The following EPHA1 variants were observed in gnomAD, a reference collection of about 807,000 sequenced individuals.
EPHA1 encodes the protein ephrin type-A receptor 1.
Under a neutral mutation model 110.1 loss-of-function variants are expected in EPHA1, and 92 were observed. The observed-to-expected ratio is 0.84, with a 90% CI of 0.71 to 0.99. EPHA1 has a LOEUF of 0.99. Among genes scored for constraint, EPHA1 ranks in the 50% least tolerant of loss-of-function variants. EPHA1 has a pLI of 0.00. For missense variants in EPHA1, 1,204 were observed against 1,285.4 expected (o/e 0.94, Z 0.97); for synonymous variants, 500 against 516.1 (o/e 0.97, Z 0.42).
In EPHA1 at chr7:143,393,682, G is replaced by A; in HGVS notation, c.2685C>T (p.Asn895=). The A allele has an allele frequency of 6.2e-7, 1 of 1,613,664 alleles. No individual in the cohort carries two copies. The highest frequency in any genetic ancestry group is 1.1e-5 in the South Asian group (1 of 91,044). Residue 895 remains asparagine (N), a synonymous_variant, in exon 16 of 18, where the codon AAC becomes AAT. Coordinates refer to ENST00000275815, the MANE Select transcript of EPHA1 (RefSeq NM_005232.5). The surrounding 1 kb of genome is among the most constrained non-coding windows in gnomAD (Gnocchi z 5.6). ...ANPHSLRTIA[N]FDPRMTLRLP... ...CCCTGCATGGTTACCTGGGGTCAAA[G>A]TTGGCAATGGTCCGCAGGGAGTGGG...
At chr7:143,396,291 C>A in intron 11 of EPHA1, 94 bp downstream of exon 11, 2 of 1,488,366 alleles carry the variant, frequency 1.3e-6, no homozygotes, top group Middle Eastern at 2.5e-4. Context: ...GCCAGCTGGG[C>A]TGCCCAGGGA....
intron 15 of EPHA1, 29 bp downstream of exon 15, chr7:143,394,165 C>A (rs771141143): frequency 1.3e-6 from 2 of 1,592,074 alleles, no homozygotes; most frequent in South Asian, 2.2e-5. Context: ...GAATTGGAGA[C>A]AAGATGAGGA....
In EPHA1 at chr7:143,398,017, C is replaced by A. The variant is rs760132533; in HGVS notation, c.1518G>T (p.Leu506=). The change falls in exon 8 of 18, where the codon CTG becomes CTT. Residue 506 remains leucine, a synonymous_variant. Coordinates refer to ENST00000275815, the MANE Select transcript of EPHA1 (RefSeq NM_005232.5). ...VLEPRVLLTE[L]QPDTTYIVRV... Reference sequence around the variant, plus strand: ...TGACGATGTATGTGGTGTCAGGCTGCAGCTCTGTCAGCAAGACCCTGGGTT... The same window carrying A: ...TGACGATGTATGTGGTGTCAGGCTGAAGCTCTGTCAGCAAGACCCTGGGTT... 10 of 1,614,130 alleles carry A rather than the reference C, an allele frequency of 6.2e-6. No homozygotes were observed. In the East Asian group the frequency reaches 2.2e-4, roughly 36 times the overall value.
Position 143,398,740 on chromosome 7 carries a change from G to C in EPHA1, c.1197C>G (p.Leu399=). 1 of 1,614,044 alleles carries C rather than the reference G, an allele frequency of 6.2e-7. No individual in the cohort carries two copies. The highest frequency in any genetic ancestry group is 8.5e-7 in the Non-Finnish European group (1 of 1,179,980). ...GVHFSPGARG[L]TTPAVHVNGL... Reference sequence around the variant, plus strand: ...CATTGACATGCACTGCAGGTGTGGTGAGCCCCCGGGCCCCCGGCGAGAAGT... The same window carrying C: ...CATTGACATGCACTGCAGGTGTGGTCAGCCCCCGGGCCCCCGGCGAGAAGT... The change falls in exon 6 of 18, where the codon CTC becomes CTG. Residue 399 remains leucine, a synonymous_variant. Transcript: ENST00000275815.
At chr7:143,394,158 T>C (rs1805171988) in intron 15 of EPHA1, 36 bp downstream of exon 15, 2 of 1,587,412 alleles carry the variant, frequency 1.3e-6, no homozygotes, top group Non-Finnish European at 8.6e-7. Flanking sequence ...GAGGTGTGAA[T>C]TGGAGACAAG....
At position 143,401,450 on chromosome 7, in the gene EPHA1, G is replaced by C; in HGVS notation, c.306C>G (p.Thr102=). 3 of 1,614,078 alleles carry C rather than the reference G, an allele frequency of 1.9e-6. No homozygotes were observed. The highest frequency in any genetic ancestry group is 1.7e-6 in the Non-Finnish European group (2 of 1,180,038). The change falls in exon 3 of 18, where the codon ACC becomes ACG. Residue 102 remains threonine (T), a synonymous_variant. Transcript: ENST00000275815. This position sits in a 1 kb window ranked among gnomAD's most constrained non-coding sequence, Gnocchi z 4.1. ...CAGGGAAACTCTTGCAGTCCCGCAC[G>C]GTGAACTGCAGCTCCACGTGGACGC... ...ASRVHVELQF[T]VRDCKSFPGG...
At position 143,399,216 on chromosome 7, in the gene EPHA1, G is replaced by A. The variant is rs754757044; in HGVS notation, c.991+42C>T. 6.3e-6 allele frequency: 10 copies of A among 1,588,834 alleles called. No individual in the cohort carries two copies. In the African/African-American group the frequency reaches 1.4e-4, roughly 21 times the overall value. On this transcript the variant is annotated intron_variant, in intron 5 of 17. Coordinates refer to ENST00000275815, the MANE Select transcript of EPHA1 (RefSeq NM_005232.5). ...CTGACAAAGTCTCAGCAAAGATCCA[G>A]CCCCTCCCTCCAGATGGCCACGCCC...
intron 7 of EPHA1, 107 bp from the exon 8 acceptor site, chr7:143,398,177 G>T (rs1805311955): frequency 1.0e-5 from 16 of 1,577,874 alleles, no homozygotes; most frequent in Non-Finnish European, 1.4e-5. Context: ...GAATGGTTAG[G>T]ACAGGGTTCT....
intron 3 of EPHA1, 31 bp from the exon 4 acceptor site, chr7:143,400,084 A>G (rs763517454): frequency 6.4e-7 from 1 of 1,561,236 alleles, no homozygotes; most frequent in Non-Finnish European, 8.7e-7. Flanking sequence ...AAAGGGGAGC[A>G]ATGGCAAAGT....
intron 3 of EPHA1, 26 bp from the exon 4 acceptor site, chr7:143,400,079 G>C (rs1194163708): frequency 6.4e-7 from 1 of 1,564,428 alleles, no homozygotes; most frequent in Admixed American, 1.8e-5. Flanking sequence ...GGAAGAAAGG[G>C]GAGCAATGGC....
At position 143,399,643 on chromosome 7, in the gene EPHA1, G is replaced by C; in HGVS notation, c.835+8C>G. On this transcript the variant is annotated splice_region_variant and intron_variant, in intron 4 of 17. Coordinates refer to ENST00000275815, the MANE Select transcript of EPHA1 (RefSeq NM_005232.5). ...GGTTCCTCAGGTTCTCACCGCCTCC[G>C]TTCTTACCAACACATGCTTCGCCAC... 6.2e-7 allele frequency: 1 copy of C among 1,612,774 alleles called. No homozygotes were observed. The highest frequency in any genetic ancestry group is 1.1e-5 in the South Asian group (1 of 91,014).
intron 1 of EPHA1, 98 bp downstream of exon 1, chr7:143,408,626 T>C (rs1805623448): frequency 9.4e-6 from 2 of 213,030 alleles, no homozygotes; most frequent in Non-Finnish European, 1.5e-5. Flanking sequence ...TCGGGGAACA[T>C]GGCCCCTAGG....
At chr7:143,398,517 G>A in intron 6 of EPHA1, 69 bp from the exon 7 acceptor site, 1 of 1,609,116 alleles carries the variant, frequency 6.2e-7, no homozygotes, top group South Asian at 1.1e-5. Flanking sequence ...CTTTTCTATG[G>A]CTTCCTGCCC....
At position 143,398,752 on chromosome 7, in the gene EPHA1, C is replaced by T. The variant is rs1425931536; in HGVS notation, c.1185G>A (p.Gly395=). Residue 395 remains glycine (G), a synonymous_variant, in exon 6 of 18, where the codon GGG becomes GGA. Coordinates refer to ENST00000275815, the MANE Select transcript of EPHA1 (RefSeq NM_005232.5). Reference sequence around the variant, plus strand: ...CTGCAGGTGTGGTGAGCCCCCGGGCCCCCGGCGAGAAGTGCACGCCCACCC... The same window carrying T: ...CTGCAGGTGTGGTGAGCCCCCGGGCTCCCGGCGAGAAGTGCACGCCCACCC... ...PCGVGVHFSP[G]ARGLTTPAVH... 8.7e-6 allele frequency: 14 copies of T among 1,613,894 alleles called. No individual in the cohort carries two copies. Among genetic ancestry groups the T allele is most frequent in the Non-Finnish European group, 1.2e-5 (14 of 1,179,998 alleles).
Position 143,395,964 on chromosome 7 carries a change from G to C in EPHA1, c.1897+421C>G, listed in dbSNP as rs1805233087. Among the ~76,000 whole-genome samples, 1 of 152,202 alleles carries C rather than the reference G, an allele frequency of 6.6e-6. No homozygotes were observed. Among genetic ancestry groups the C allele is most frequent in the Non-Finnish European group, 1.5e-5 (1 of 68,042 alleles). The stretch of plus-strand genomic sequence containing the variant: ...TTCTCCACTGAGATCCATTTCCTCT[G>C]GTGACCCAAGGGAACAGGGCAGCCC... On this transcript the variant is annotated intron_variant, in intron 11 of 17. Coordinates refer to ENST00000275815, the MANE Select transcript of EPHA1 (RefSeq NM_005232.5). This position sits in a 1 kb window ranked among gnomAD's most constrained non-coding sequence, Gnocchi z 4.7.
rs769207409 is a variant in EPHA1, at chr7:143,398,343, T to C, written c.1442A>G (p.Tyr481Cys). 1.3e-5 allele frequency: 21 copies of C among 1,614,098 alleles called. No individual in the cohort carries two copies. In the East Asian group the frequency reaches 4.7e-4, roughly 36 times the overall value. Residue 481 changes from tyrosine (Y) to cysteine (C), a missense_variant, in exon 7 of 18, where the codon TAT becomes TGT. Tyr to Cys is a radical substitution (Grantham distance 194). Coordinates refer to ENST00000275815, the MANE Select transcript of EPHA1 (RefSeq NM_005232.5). The part of the protein sequence containing the change: ...RPRSPGANLT[Y>C]ELHVLNQDEE... ...GACCTGGTTCAGCACGTGCAGCTCA[T>C]AGGTCAGGTTCGCCCCAGGGCTTCG...
At chr7:143,396,587 C>T (rs887849640) in intron 10 of EPHA1, 77 bp from the exon 11 acceptor site, 212 of 1,546,614 alleles carry the variant, frequency 1.4e-4, no homozygotes, top group South Asian at 1.8e-4. Context: ...GGGCCAGCAG[C>T]GGACCACACA....
In EPHA1 at chr7:143,395,488, C is replaced by T. The variant is rs1805218905; in HGVS notation, c.1914G>A (p.Val638=). 1.9e-6 allele frequency: 3 copies of T among 1,614,054 alleles called. No individual in the cohort carries two copies. The African/African-American group carries it at 4.0e-5, about 22-fold the overall frequency. Reference sequence around the variant, plus strand: ...TGGGGAGCCTCAGGGTCCCTCGATACACTTCCCCAAACTCTCCTGGGTAGA... The same window carrying T: ...TGGGGAGCCTCAGGGTCCCTCGATATACTTCCCCAAACTCTCCTGGGTAGA... ...TVIGEGEFGE[V]YRGTLRLPSQ... Residue 638 remains valine (V), a synonymous_variant, in exon 12 of 18, where the codon GTG becomes GTA. Transcript: ENST00000275815. The surrounding 1 kb of genome is among the most constrained non-coding windows in gnomAD (Gnocchi z 4.7).
chr7:143,402,903 A>T (rs369787422), intron 2 of EPHA1, among the ~76,000 whole-genome samples: 2 of 152,140 alleles, frequency 1.3e-5, no homozygotes, highest in African/African-American at 4.8e-5. Flanking sequence ...CCTCACCCTC[A>T]TCCTTCCACT....
Sources: gnomAD v4.1 joint callset for allele counts (sites outside exome capture counted in the v4.1 genomes callset) on GRCh38, gnomAD v4.1.1 for gene constraint, Gnocchi (gnomAD v3.1) non-coding constraint, MANE v1.5 for transcripts, NCBI Gene and HGNC (gene_info 2026-07-23, HGNC 2026-07-21) for gene names.